SPOCK1: variants seen among roughly 807,000 people sequenced by gnomAD.
The protein encoded by SPOCK1 is SPARC (osteonectin), cwcv and kazal like domains proteoglycan 1, also known as testican-1.
SPOCK1 carries 23 observed loss-of-function variants against 55.3 expected under a neutral mutation model. That is an observed-to-expected ratio of 0.42 (90% CI 0.30 to 0.59). The LOEUF (loss-of-function observed/expected upper bound fraction) is 0.59. Among genes scored for constraint, SPOCK1 ranks in the 20% least tolerant of loss-of-function variants. SPOCK1 has a pLI of 0.22. For synonymous variants in SPOCK1, 226 were observed against 221.0 expected, an observed-to-expected ratio of 1.02 and a Z score of -0.20; for missense variants, 499 against 552.5, an observed-to-expected ratio of 0.90 and a Z score of 0.97.
At chr5:137,237,104 A>G (rs17779700) in intron 3 of SPOCK1, among the ~76,000 whole-genome samples, 25,903 of 152,234 alleles carry the variant, frequency 0.17, 2,509 homozygotes, top group South Asian at 0.27. Context: ...ATGCCAATGG[A>G]ATGAATTCTG....
At chr5:137,019,443 A>T (rs1371643662) in intron 6 of SPOCK1, among the ~76,000 whole-genome samples, 1 of 152,086 alleles carries the variant, frequency 6.6e-6, no homozygotes, top group Admixed American at 6.5e-5. Context: ...ATACTATCAC[A>T]TTACCTTTTA....
chr5:137,293,595 G>C (rs2905552), intron 2 of SPOCK1, among the ~76,000 whole-genome samples: 78,691 of 151,970 alleles, frequency 0.52, 20,982 homozygotes, highest in African/African-American at 0.64. Flanking sequence ...CCCAGTGTGA[G>C]TGTGCTCCTG....
intron 3 of SPOCK1, among the ~76,000 whole-genome samples, chr5:137,222,144 G>A (rs776270332): frequency 3.3e-5 from 5 of 152,180 alleles, no homozygotes; most frequent in Non-Finnish European, 4.4e-5. Flanking sequence ...TCAGGAGAGA[G>A]GACAAAGCAG....
chr5:137,384,425 G>A (rs1280388644), intron 2 of SPOCK1, among the ~76,000 whole-genome samples: 1 of 152,060 alleles, frequency 6.6e-6, no homozygotes, highest in Non-Finnish European at 1.5e-5. Flanking sequence ...ATGCCACCAT[G>A]GACAACTAAT....
chr5:137,187,077 T>C (rs1234073274), intron 3 of SPOCK1, among the ~76,000 whole-genome samples: 1 of 152,200 alleles, frequency 6.6e-6, no homozygotes, highest in Non-Finnish European at 1.5e-5. Flanking sequence ...ATCCCTCTTG[T>C]TATTCCTTAT....
At chr5:137,489,805 C>A (rs946164192) in intron 2 of SPOCK1, among the ~76,000 whole-genome samples, 2 of 152,228 alleles carry the variant, frequency 1.3e-5, no homozygotes, top group African/African-American at 4.8e-5. Flanking sequence ...CACTTCAAGA[C>A]CTTTGGACCC....
chr5:137,325,689 G>T (rs549646022), intron 2 of SPOCK1, among the ~76,000 whole-genome samples: 1 of 152,348 alleles, frequency 6.6e-6, no homozygotes, highest in East Asian at 1.9e-4. Flanking sequence ...CCTCTCATTT[G>T]TGGGGGAGAT....
chr5:137,211,056 C>T lies in SPOCK1; in HGVS notation c.232+55954G>A, dbSNP rs146517138. 2.9e-3 allele frequency among the ~76,000 whole-genome samples: 438 copies of T among 152,328 alleles called. 3 individuals are homozygous for T. The highest frequency in any genetic ancestry group is 9.6e-3 in the African/African-American group (399 of 41,560). ...GGTCATAACTCAGCCCTTCGTATAC[C>T]TGATGCCCAAAGAGAAAGAAGACTG... On this transcript the variant is annotated intron_variant, in intron 3 of 10. Coordinates refer to ENST00000394945, the MANE Select transcript of SPOCK1 (RefSeq NM_004598.4).
intron 3 of SPOCK1, among the ~76,000 whole-genome samples, chr5:137,233,295 C>A (rs1271232432): frequency 3.3e-5 from 5 of 152,164 alleles, no homozygotes; most frequent in Non-Finnish European, 7.3e-5. Flanking sequence ...TTTCCTGAAT[C>A]TAAATGGTTC....
intron 2 of SPOCK1, among the ~76,000 whole-genome samples, chr5:137,363,076 C>T (rs781739586): frequency 7.2e-5 from 11 of 152,192 alleles, no homozygotes; most frequent in African/African-American, 1.2e-4. Flanking sequence ...CACATGAACA[C>T]GTACGGAGCA....
At chr5:137,314,670 C>T (rs1289684287) in intron 2 of SPOCK1, among the ~76,000 whole-genome samples, 1 of 152,192 alleles carries the variant, frequency 6.6e-6, no homozygotes, top group Admixed American at 6.5e-5. Flanking sequence ...TCCACAGCTA[C>T]AGTCCTTAGC....
At chr5:137,212,517 T>C (rs1336828427) in intron 3 of SPOCK1, among the ~76,000 whole-genome samples, 1 of 152,210 alleles carries the variant, frequency 6.6e-6, no homozygotes, top group African/African-American at 2.4e-5. Context: ...ATGTACTATG[T>C]GTCAGGCACT....
chr5:137,160,541 A>ATATATATTATATAT (rs1754511651), intron 3 of SPOCK1, among the ~76,000 whole-genome samples: 1 of 43,354 alleles, frequency 2.3e-5, no homozygotes, highest in African/African-American at 1.0e-4. Context: ...AAAATATATA[A>ATATATATTATATAT]TATATATAAT....
At chr5:137,108,619 G>A (rs889148147) in intron 5 of SPOCK1, among the ~76,000 whole-genome samples, 2 of 152,196 alleles carry the variant, frequency 1.3e-5, no homozygotes, top group Admixed American at 1.3e-4. Context: ...TATGGGAGAA[G>A]AATATTACAA....
chr5:137,161,449 C>T (rs1001259421), intron 3 of SPOCK1, among the ~76,000 whole-genome samples: 1 of 152,054 alleles, frequency 6.6e-6, no homozygotes, highest in Non-Finnish European at 1.5e-5. Flanking sequence ...CCTTGCCTGC[C>T]AACATGACCC....
intron 4 of SPOCK1, among the ~76,000 whole-genome samples, chr5:137,121,592 A>T (rs1197890412): frequency 6.8e-6 from 1 of 147,286 alleles, no homozygotes; most frequent in African/African-American, 2.5e-5. Context: ...ATTATATATT[A>T]TATATAATAT....
intron 2 of SPOCK1, among the ~76,000 whole-genome samples, chr5:137,289,495 G>C (rs1311514346): frequency 1.3e-5 from 2 of 152,170 alleles, no homozygotes; most frequent in African/African-American, 4.8e-5. Flanking sequence ...GTGGGAGAAA[G>C]TGGTACTTTT....
chr5:137,306,287 T>G (rs187054802), intron 2 of SPOCK1, among the ~76,000 whole-genome samples: 411 of 152,328 alleles, frequency 2.7e-3, no homozygotes, highest in Non-Finnish European at 4.7e-3. Context: ...GGGGGTTTGG[T>G]GCTCGTTGCT....
At chr5:137,100,564 A>G (rs1448695505) in intron 5 of SPOCK1, among the ~76,000 whole-genome samples, 2 of 152,194 alleles carry the variant, frequency 1.3e-5, no homozygotes, top group Admixed American at 6.5e-5. Flanking sequence ...AATGAGCTCA[A>G]TCTGACCAAA....
Sources: gnomAD v4.1 joint callset for allele counts (sites outside exome capture counted in the v4.1 genomes callset) on GRCh38, gnomAD v4.1.1 for gene constraint, MANE v1.5 for transcripts, NCBI Gene and HGNC (gene_info 2026-07-23, HGNC 2026-07-21) for gene names.